The following STXBP5L variants were observed in gnomAD, a reference collection of about 807,000 sequenced individuals.
STXBP5L encodes syntaxin-binding protein 5-like.
A neutral mutation model predicts 144.5 loss-of-function variants in STXBP5L; 65 were observed. The ratio of observed to expected loss-of-function variants is 0.45; its 90% confidence interval spans 0.37 to 0.55. STXBP5L has a LOEUF of 0.55. STXBP5L is among the 20% of genes least tolerant of loss of function. STXBP5L has a pLI of 0.00. For missense variants in STXBP5L, 1,298 were observed against 1,405.5 expected (o/e 0.92, Z 1.22); for synonymous variants, 505 against 469.6 (o/e 1.08, Z -0.97).
At chr3:121,155,882 TAAG>T (rs1472078966) in intron 8 of STXBP5L, among the ~76,000 whole-genome samples, 1 of 151,910 alleles carries the variant, frequency 6.6e-6, no homozygotes, top group Non-Finnish European at 1.5e-5. Context: ...TTCAGTGAAA[TAAG>T]AAAGTTTAGG....
chr3:121,311,580 C>T (rs930813603), intron 19 of STXBP5L, among the ~76,000 whole-genome samples: 2 of 152,114 alleles, frequency 1.3e-5, no homozygotes, highest in African/African-American at 4.8e-5. Context: ...CATGAGTGAA[C>T]TCCCATTCAC....
In STXBP5L at chr3:121,419,170, C is replaced by A; in HGVS notation, c.*73C>A. ...CAAATTTATTCCCAGCATCACTACT[C>A]AACTGCTAGAAGCCAGTTTCTTCTA... On this transcript the variant is annotated 3_prime_UTR_variant, in exon 27 of 27. Coordinates refer to ENST00000471454, the MANE Select transcript of STXBP5L (RefSeq NM_001308330.2). The A allele has an allele frequency of 1.4e-6, 2 of 1,381,612 alleles. No homozygotes were observed. The highest frequency in any genetic ancestry group is 2.0e-6 in the Non-Finnish European group (2 of 999,062). 85.6% of individuals were successfully genotyped at this position (1,381,612 alleles called of 1,614,324 possible).
rs184659014 is a variant in STXBP5L, at chr3:121,331,675, G to A, written c.2176+13135G>A. On this transcript the variant is annotated intron_variant, in intron 20 of 26. Coordinates refer to ENST00000471454, the MANE Select transcript of STXBP5L (RefSeq NM_001308330.2). ...GAATTCTCCCAGCTACCTTTGTCAA[G>A]GCCGTGATCTCTCCCCAACATTGGG... Among the ~76,000 whole-genome samples, 506 of 152,230 alleles carry A rather than the reference G, an allele frequency of 3.3e-3. 13 individuals are homozygous for A. The highest frequency in any genetic ancestry group is 0.03 in the Admixed American group (458 of 15,282).
At chr3:121,412,393 C>T (rs938886136) in intron 23 of STXBP5L, among the ~76,000 whole-genome samples, 1 of 152,094 alleles carries the variant, frequency 6.6e-6, no homozygotes, top group African/African-American at 2.4e-5. Context: ...GACCTCTAGG[C>T]ACCCACCATA....
At chr3:120,991,017 A>T (rs1369998533) in intron 3 of STXBP5L, among the ~76,000 whole-genome samples, 1 of 152,238 alleles carries the variant, frequency 6.6e-6, no homozygotes, top group South Asian at 2.1e-4. Flanking sequence ...GCACAGCAAA[A>T]GAAACTACCA....
At chr3:121,351,891 T>A (rs2045297657) in intron 20 of STXBP5L, among the ~76,000 whole-genome samples, 1 of 152,156 alleles carries the variant, frequency 6.6e-6, no homozygotes, top group East Asian at 1.9e-4. Flanking sequence ...CAGTTTCAGC[T>A]TTTTACAGAT....
intron 7 of STXBP5L, among the ~76,000 whole-genome samples, chr3:121,125,882 C>T (rs2044683302): frequency 1.3e-5 from 2 of 152,096 alleles, no homozygotes; most frequent in African/African-American, 4.8e-5. Context: ...AAACCTTGAC[C>T]AATGTTAGGC....
At chr3:121,408,675 A>G (rs886867793) in intron 23 of STXBP5L, among the ~76,000 whole-genome samples, 1 of 151,926 alleles carries the variant, frequency 6.6e-6, no homozygotes. Flanking sequence ...ACATTTATCA[A>G]TTAATAGGAA....
chr3:120,997,850 T>A (rs887074553), intron 3 of STXBP5L, among the ~76,000 whole-genome samples: 1 of 152,114 alleles, frequency 6.6e-6, no homozygotes, highest in Non-Finnish European at 1.5e-5. Context: ...AGAAGCAAAC[T>A]GAATTCAGCG....
intron 9 of STXBP5L, among the ~76,000 whole-genome samples, chr3:121,166,409 G>C (rs918470093): frequency 3.3e-5 from 5 of 151,812 alleles, no homozygotes; most frequent in Non-Finnish European, 5.9e-5. Flanking sequence ...TTTCTCTTCA[G>C]CTATGTATAT....
intron 5 of STXBP5L, among the ~76,000 whole-genome samples, chr3:121,085,716 A>C (rs2042457553): frequency 6.6e-6 from 1 of 152,252 alleles, no homozygotes; most frequent in Non-Finnish European, 1.5e-5. Flanking sequence ...TGTGGATAGG[A>C]AGGATCAATA....
intron 3 of STXBP5L, among the ~76,000 whole-genome samples, chr3:121,014,629 A>G (rs532411293): frequency 1.3e-5 from 2 of 152,084 alleles, no homozygotes; most frequent in African/African-American, 4.8e-5. Flanking sequence ...TATGGCAAAT[A>G]TATATTTAAC....
At chr3:121,308,336 A>G (rs1057470123) in intron 19 of STXBP5L, among the ~76,000 whole-genome samples, 10 of 152,244 alleles carry the variant, frequency 6.6e-5, no homozygotes, top group Admixed American at 2.0e-4. Flanking sequence ...AGACATTGTC[A>G]GGTAAACAAA....
intron 20 of STXBP5L, among the ~76,000 whole-genome samples, chr3:121,362,921 A>T (rs2045756106): frequency 6.6e-6 from 1 of 152,086 alleles, no homozygotes; most frequent in Non-Finnish European, 1.5e-5. Flanking sequence ...CTGGTTATTC[A>T]GGGCCTAGGG....
intron 3 of STXBP5L, among the ~76,000 whole-genome samples, chr3:120,991,969 A>T (rs1942932319): frequency 6.6e-6 from 1 of 152,176 alleles, no homozygotes; most frequent in South Asian, 2.1e-4. Context: ...AATAAAAAAA[A>T]TCCATATAGT....
At chr3:120,972,378 T>C (rs73185499) in intron 3 of STXBP5L, among the ~76,000 whole-genome samples, 6,036 of 152,224 alleles carry the variant, frequency 0.04, 170 homozygotes, top group Middle Eastern at 0.082. Flanking sequence ...TTCATCATTA[T>C]TGGTGTATAT....
At chr3:121,307,725 G>A (rs188672803) in intron 19 of STXBP5L, among the ~76,000 whole-genome samples, 7 of 151,976 alleles carry the variant, frequency 4.6e-5, no homozygotes, top group Non-Finnish European at 4.4e-5. Context: ...TTAGCAGAAG[G>A]AGAGGAGAGT....
chr3:121,083,754 A>G (rs1316247496), intron 5 of STXBP5L, among the ~76,000 whole-genome samples: 1 of 152,110 alleles, frequency 6.6e-6, no homozygotes, highest in Non-Finnish European at 1.5e-5. Flanking sequence ...CTTTTTTGGA[A>G]ATTTGGAAAT....
chr3:121,171,865 T>C (rs1199503794), intron 9 of STXBP5L, among the ~76,000 whole-genome samples: 1 of 152,142 alleles, frequency 6.6e-6, no homozygotes, highest in Non-Finnish European at 1.5e-5. Flanking sequence ...AAGTTTCATA[T>C]GGAAGCAAAA....
Sources: allele counts gnomAD v4.1 joint callset (sites outside exome capture counted in the v4.1 genomes callset), GRCh38; gene constraint gnomAD v4.1.1; transcripts MANE v1.5; gene names NCBI Gene and HGNC (gene_info 2026-07-23, HGNC 2026-07-21).